The following PRKD1 variants were observed in gnomAD, a reference collection of about 807,000 sequenced individuals.
The protein encoded by PRKD1 is protein kinase D1, also known as serine/threonine-protein kinase D1.
In PRKD1, 63 loss-of-function variants were observed where a neutral mutation model predicts 95.9. The ratio of observed to expected loss-of-function variants is 0.66; its 90% CI spans 0.54 to 0.81. PRKD1 has a LOEUF of 0.81. Among genes scored for constraint, PRKD1 ranks in the 30% least tolerant of loss-of-function variants. The probability of loss-of-function intolerance (pLI) is 0.00; values close to 1 mark genes in which losing one functional copy is unlikely to be tolerated. For synonymous variants in PRKD1, 425 were observed against 423.1 expected, an observed-to-expected ratio of 1.00 and a Z score of -0.05; for missense variants, 1,048 against 1,165.3, an observed-to-expected ratio of 0.90 and a Z score of 1.47.
At chr14:29,691,506 C>G (rs1884230123) in intron 2 of PRKD1, among the ~76,000 whole-genome samples, 1 of 152,158 alleles carries the variant, frequency 6.6e-6, no homozygotes, top group Admixed American at 6.5e-5. Flanking sequence ...ATGTGGTCCA[C>G]AGTGACCTCA....
chr14:29,682,537 G>A (rs142713331), intron 2 of PRKD1, among the ~76,000 whole-genome samples: 7 of 152,114 alleles, frequency 4.6e-5, no homozygotes, highest in South Asian at 2.1e-4. Flanking sequence ...TCCCTTCCTT[G>A]CTTTATTAAA....
At chr14:29,794,407 G>A (rs562581044) in intron 1 of PRKD1, among the ~76,000 whole-genome samples, 1 of 151,380 alleles carries the variant, frequency 6.6e-6, no homozygotes, top group Non-Finnish European at 1.5e-5. Context: ...TTTTTTGAGG[G>A]GGTGGCAATT....
intron 4 of PRKD1, among the ~76,000 whole-genome samples, chr14:29,650,761 T>C (rs1308444518): frequency 2.0e-5 from 3 of 152,188 alleles, no homozygotes; most frequent in Non-Finnish European, 2.9e-5. Context: ...TCAGCTTACA[T>C]CTTGGGAAAA....
At chr14:29,874,929 C>A (rs1893234527) in intron 1 of PRKD1, among the ~76,000 whole-genome samples, 1 of 152,002 alleles carries the variant, frequency 6.6e-6, no homozygotes, top group Non-Finnish European at 1.5e-5. Context: ...CCAAAGCAGA[C>A]CAGGGTGACT....
chr14:29,898,611 A>C (rs1889357), intron 1 of PRKD1, among the ~76,000 whole-genome samples: 152,172 of 152,302 alleles, frequency 1, 76,023 homozygotes, highest in Middle Eastern at 1. Context: ...ATCATCAGGT[A>C]ATTTTTATTG....
intron 1 of PRKD1, among the ~76,000 whole-genome samples, chr14:29,729,128 G>T (rs969011569): frequency 6.6e-6 from 1 of 151,916 alleles, no homozygotes; most frequent in South Asian, 2.1e-4. Flanking sequence ...TCTACAAATC[G>T]CATTGTTTAA....
chr14:29,639,145 A>T (rs1329350693), intron 4 of PRKD1, among the ~76,000 whole-genome samples: 1 of 152,114 alleles, frequency 6.6e-6, no homozygotes, highest in Non-Finnish European at 1.5e-5. Context: ...TTTAAACATG[A>T]TTTCTAGGTC....
intron 1 of PRKD1, among the ~76,000 whole-genome samples, chr14:29,728,659 G>A (rs1460631525): frequency 6.6e-6 from 1 of 151,992 alleles, no homozygotes; most frequent in Non-Finnish European, 1.5e-5. Context: ...TAGCATAATT[G>A]TTTATCAGTT....
intron 4 of PRKD1, among the ~76,000 whole-genome samples, chr14:29,641,981 G>A (rs899534715): frequency 5.0e-5 from 7 of 138,878 alleles, no homozygotes; most frequent in Admixed American, 4.9e-4. Context: ...TCGGCTCACT[G>A]CAGCCGCTGC....
chr14:29,580,483 T>C (rs898281213), intron 16 of PRKD1, among the ~76,000 whole-genome samples: 6 of 152,128 alleles, frequency 3.9e-5, no homozygotes, highest in African/African-American at 1.4e-4. Flanking sequence ...TGTGTATACA[T>C]ACATTTTGTG....
At chr14:29,772,197 T>C (rs1487539507) in intron 1 of PRKD1, among the ~76,000 whole-genome samples, 1 of 152,168 alleles carries the variant, frequency 6.6e-6, no homozygotes, top group African/African-American at 2.4e-5. Context: ...AGATGAGAGG[T>C]GGCATACTAT....
intron 1 of PRKD1, among the ~76,000 whole-genome samples, chr14:29,832,426 T>G (rs1389108945): frequency 6.6e-6 from 1 of 152,208 alleles, no homozygotes. Flanking sequence ...TTTATAAGAC[T>G]TTTCTGTTTG....
At chr14:29,770,007 G>A (rs948960950) in intron 1 of PRKD1, among the ~76,000 whole-genome samples, 3 of 152,114 alleles carry the variant, frequency 2.0e-5, no homozygotes, top group Non-Finnish European at 4.4e-5. Flanking sequence ...TCATGAATGG[G>A]ATTAGTGCCC....
chr14:29,831,773 G>T (rs1320707736), intron 1 of PRKD1, among the ~76,000 whole-genome samples: 1 of 151,976 alleles, frequency 6.6e-6, no homozygotes, highest in Non-Finnish European at 1.5e-5. Flanking sequence ...TATTCTTCTA[G>T]GCCATGATTT....
At chr14:29,728,422 C>T (rs1157417389) in intron 1 of PRKD1, among the ~76,000 whole-genome samples, 1 of 152,182 alleles carries the variant, frequency 6.6e-6, no homozygotes, top group Non-Finnish European at 1.5e-5. Context: ...AGTTTTATTG[C>T]AATCTATGTA....
chr14:29,732,946 G>A (rs922832392), intron 1 of PRKD1, among the ~76,000 whole-genome samples: 3 of 148,840 alleles, frequency 2.0e-5, no homozygotes, highest in African/African-American at 7.4e-5. Flanking sequence ...CTTGGTTGAG[G>A]TTCACTGTGC....
intron 16 of PRKD1, among the ~76,000 whole-genome samples, chr14:29,596,703 A>T (rs1005592075): frequency 6.6e-6 from 1 of 152,122 alleles, no homozygotes; most frequent in Non-Finnish European, 1.5e-5. Context: ...TCCACACTTG[A>T]AATATAGCCA....
chr14:29,828,972 G>C (rs1177245336), intron 1 of PRKD1, among the ~76,000 whole-genome samples: 7 of 152,320 alleles, frequency 4.6e-5, no homozygotes, highest in Admixed American at 6.5e-5. Flanking sequence ...TTTTTGGAGT[G>C]CTCCCTCTTG....
At chr14:29,887,131 A>G (rs1893737674) in intron 1 of PRKD1, among the ~76,000 whole-genome samples, 1 of 152,196 alleles carries the variant, frequency 6.6e-6, no homozygotes, top group South Asian at 2.1e-4. Context: ...GCAAATGTTA[A>G]TATAAAACTT....
Sources: gnomAD v4.1 joint callset for allele counts (sites outside exome capture counted in the v4.1 genomes callset) on GRCh38, gnomAD v4.1.1 for gene constraint, MANE v1.5 for transcripts, NCBI Gene and HGNC (gene_info 2026-07-23, HGNC 2026-07-21) for gene names.